SNAP23: variants seen among roughly 807,000 people sequenced by gnomAD.
SNAP23 encodes synaptosome associated protein 23, also known as synaptosomal-associated protein 23.
SNAP23 carries 11 observed loss-of-function variants against 29.0 expected under a neutral mutation model. The ratio of observed to expected loss-of-function variants is 0.38; its 90% CI spans 0.24 to 0.63. The LOEUF (loss-of-function observed/expected upper bound fraction) is 0.63. SNAP23 is among the 20% of genes least tolerant of loss of function. SNAP23 has a pLI of 0.58. For missense variants in SNAP23, 220 were observed against 253.9 expected, an observed-to-expected ratio of 0.87 and a Z score of 0.91; for synonymous variants, 60 against 82.9, an observed-to-expected ratio of 0.72 and a Z score of 1.50.
rs2057372895 is a variant in SNAP23 at position 42,513,360 on chromosome 15, T to G, written c.100-39T>G. The G allele has an allele frequency of 1.9e-6, 3 of 1,588,914 alleles. No individual in the cohort carries two copies. In the Middle Eastern group the frequency reaches 5.0e-4, roughly 264 times the overall value. On this transcript the variant is annotated intron_variant, in intron 3 of 7. Transcript: ENST00000249647. Reference sequence around the variant, plus strand: ...GGTTTTGTTTCTGTTGTTTTTGGTTTGTTTTGTTGTACTATCAGCTTTTCC... The same window carrying G: ...GGTTTTGTTTCTGTTGTTTTTGGTTGGTTTTGTTGTACTATCAGCTTTTCC...
At chr15:42,513,253 T>C (rs1280149436) in intron 3 of SNAP23, 146 bp from the exon 4 acceptor site, 1 of 799,968 alleles carries the variant, frequency 1.3e-6, no homozygotes, top group Admixed American at 1.9e-5. Flanking sequence ...TTAAAGTGTG[T>C]TAGTTTAAGA....
intron 2 of SNAP23, among the ~76,000 whole-genome samples, chr15:42,512,615 G>C (rs2057366285): frequency 6.6e-6 from 1 of 152,038 alleles, no homozygotes; most frequent in African/African-American, 2.4e-5. Context: ...CTGACCTCGT[G>C]ATCCGCCCAC....
intron 5 of SNAP23, among the ~76,000 whole-genome samples, chr15:42,519,077 C>T (rs1796905511): frequency 7.1e-6 from 1 of 141,350 alleles, no homozygotes; most frequent in African/African-American, 2.7e-5. Context: ...TTTTTTGAGA[C>T]GGAGTCTCAC....
chr15:42,526,099 T>C (rs1189024208), intron 5 of SNAP23, among the ~76,000 whole-genome samples: 1 of 152,226 alleles, frequency 6.6e-6, no homozygotes, highest in African/African-American at 2.4e-5. Flanking sequence ...CTTGCACCTG[T>C]TCCACAATCC....
intron 5 of SNAP23, among the ~76,000 whole-genome samples, chr15:42,518,239 T>C (rs2057414066): frequency 6.6e-6 from 1 of 152,142 alleles, no homozygotes; most frequent in African/African-American, 2.4e-5. Flanking sequence ...TGTCTTGATC[T>C]TTCTAATCTG....
At position 42,529,184 on chromosome 15, in the gene SNAP23, G is replaced by A. The variant is rs117675415; in HGVS notation, c.426-491G>A. ...TATGTAAACAAATGAGCACAGCTGT[G>A]TTTGAATAACACTTGATTTACAAAA... On this transcript the variant is annotated intron_variant, in intron 6 of 7. Coordinates refer to ENST00000249647, the MANE Select transcript of SNAP23 (RefSeq NM_003825.4). Among the ~76,000 whole-genome samples, 234 of 152,274 alleles carry A rather than the reference G, an allele frequency of 1.5e-3. 2 individuals carry two copies. The highest frequency in any genetic ancestry group is 2.6e-3 in the Non-Finnish European group (175 of 68,022).
In SNAP23 at chr15:42,511,829, A is replaced by T; in HGVS notation, c.-14-4A>T. The T allele has an allele frequency of 6.4e-7, 1 of 1,560,784 alleles. No individual in the cohort carries two copies. The highest frequency in any genetic ancestry group is 1.2e-5 in the South Asian group (1 of 82,668). ...ATCCACATTTCCATTTCTGTGCCTAATAGAGTTTTGATTCATCATGGATAA... is the reference window on the plus strand; with the variant it reads ...ATCCACATTTCCATTTCTGTGCCTATTAGAGTTTTGATTCATCATGGATAA... On this transcript the variant is annotated splice_region_variant and splice_polypyrimidine_tract_variant and intron_variant, in intron 1 of 7. Transcript: ENST00000249647.
In SNAP23 at chr15:42,532,036, T is replaced by C. The variant is rs1249810609; in HGVS notation, c.*558T>C. On this transcript the variant is annotated 3_prime_UTR_variant, in exon 8 of 8. Coordinates refer to ENST00000249647, the MANE Select transcript of SNAP23 (RefSeq NM_003825.4). Reference sequence around the variant, plus strand: ...GAGCTTTTATACACAACGTTTTTGTTAGGCATCACAGTTTTGCAACCTCTG... The same window carrying C: ...GAGCTTTTATACACAACGTTTTTGTCAGGCATCACAGTTTTGCAACCTCTG... 6.6e-6 allele frequency: 1 copy of C among 152,218 alleles called. No homozygotes were observed. The highest frequency in any genetic ancestry group is 2.4e-5 in the African/African-American group (1 of 41,458). 9.4% of individuals were successfully genotyped at this position (152,218 alleles called of 1,614,324 possible).
upstream of SNAP23, among the ~76,000 whole-genome samples, chr15:42,494,412 T>TTTTA (rs2057198155): frequency 6.6e-6 from 1 of 150,962 alleles, no homozygotes; most frequent in African/African-American, 2.5e-5. Context: ...TTTTTTTTTT[T>TTTTA]GAGATGGAGT....
At chr15:42,503,929 G>A (rs571263922) in intron 1 of SNAP23, among the ~76,000 whole-genome samples, 2 of 152,156 alleles carry the variant, frequency 1.3e-5, no homozygotes, top group Non-Finnish European at 2.9e-5. Flanking sequence ...ATGTATATTT[G>A]CATAGTTTTG....
intron 5 of SNAP23, among the ~76,000 whole-genome samples, chr15:42,523,295 C>T (rs2057466212): frequency 6.6e-6 from 1 of 152,078 alleles, no homozygotes; most frequent in African/African-American, 2.4e-5. Flanking sequence ...CACAAATTTA[C>T]TTAGGCATTT....
chr15:42,525,908 A>C (rs896592254), intron 5 of SNAP23, among the ~76,000 whole-genome samples: 4 of 152,222 alleles, frequency 2.6e-5, no homozygotes, highest in Non-Finnish European at 4.4e-5. Flanking sequence ...TGTGGAAAGA[A>C]GAATTCTCAT....
At chr15:42,504,853 G>A (rs1448959769) in intron 1 of SNAP23, among the ~76,000 whole-genome samples, 1 of 152,090 alleles carries the variant, frequency 6.6e-6, no homozygotes. Flanking sequence ...CTCTTGCTGC[G>A]GATGCATTGG....
At chr15:42,494,909 C>T (rs368633735), upstream of SNAP23, among the ~76,000 whole-genome samples, 66 of 152,286 alleles carry the variant, frequency 4.3e-4, 3 homozygotes, top group East Asian at 0.013. Flanking sequence ...CAATAATCCT[C>T]CATCTGCTTA....
intron 4 of SNAP23, among the ~76,000 whole-genome samples, chr15:42,513,807 A>G (rs1448510048): frequency 6.9e-6 from 1 of 144,338 alleles, no homozygotes; most frequent in East Asian, 2.1e-4. Flanking sequence ...GAGTTTCGCT[A>G]TTTTTGTCTA....
intron 1 of SNAP23, among the ~76,000 whole-genome samples, chr15:42,510,358 A>G (rs2057350561): frequency 6.6e-6 from 1 of 151,708 alleles, no homozygotes; most frequent in Non-Finnish European, 1.5e-5. Context: ...CTGAACTCCA[A>G]CTCCTGAGCT....
rs565710050 is a variant in SNAP23, at chr15:42,503,241, G to A, written c.-15+7528G>A. Among the ~76,000 whole-genome samples the A allele has an allele frequency of 5.2e-4, 79 of 152,076 alleles. 1 individual carries two copies. The highest frequency in any genetic ancestry group is 1.7e-3 in the African/African-American group (69 of 41,464). On this transcript the variant is annotated intron_variant, in intron 1 of 7. Coordinates refer to ENST00000249647, the MANE Select transcript of SNAP23 (RefSeq NM_003825.4). ...TTTTAAGATGGAGTCTCGCTCTGTC[G>A]CTGAGGCTGGAGTGCAGCGGTGCGA... is the stretch of plus-strand genomic sequence containing the variant.
chr15:42,512,961 G>A lies in SNAP23; in HGVS notation c.64G>A (p.Glu22Lys). 1 of 1,611,242 alleles carries A rather than the reference G, an allele frequency of 6.2e-7. No individual in the cohort carries two copies. The highest frequency in any genetic ancestry group is 1.3e-5 in the African/African-American group (1 of 74,974). ...ATTCTGTGTTCTTTCCTAGTCTCTG[G>A]AAAGTACGAGGAGAATCCTGGGTTT... Reference protein sequence around the residue: ...RAHQITDESLESTRRILGLAI... With the variant: ...RAHQITDESLKSTRRILGLAI... The change falls in exon 3 of 8, where the codon GAA (glutamate) becomes AAA (lysine). Residue 22 changes from glutamate to lysine, a missense_variant. Physicochemically the swap from Glu to Lys is moderately conservative, Grantham distance 56. Transcript: ENST00000249647.
intron 7 of SNAP23, among the ~76,000 whole-genome samples, chr15:42,530,696 GC>G (rs1410775866): frequency 3.3e-5 from 5 of 152,196 alleles, no homozygotes; most frequent in African/African-American, 1.2e-4. Context: ...GCTGCAGTGA[GC>G]TGTGATTGCA....
Sources: gnomAD v4.1 joint callset for allele counts (sites outside exome capture counted in the v4.1 genomes callset) on GRCh38, gnomAD v4.1.1 for gene constraint, MANE v1.5 for transcripts, NCBI Gene and HGNC (gene_info 2026-07-23, HGNC 2026-07-21) for gene names.